THSD7B: variants seen among roughly 807,000 people sequenced by gnomAD.
THSD7B encodes the protein thrombospondin type 1 domain containing 7B, also known as thrombospondin type-1 domain-containing protein 7B.
In THSD7B, 138 loss-of-function variants were observed where a neutral mutation model predicts 213.6. That is an observed-to-expected ratio of 0.65 (90% CI 0.56 to 0.74). The LOEUF (loss-of-function observed/expected upper bound fraction) is 0.74, where lower values mean the gene tolerates loss of function less well. Among genes scored for constraint, THSD7B ranks in the 30% least tolerant of loss-of-function variants. The pLI is 0.00. For synonymous variants in THSD7B, 742 were observed against 687.0 expected (o/e 1.08, Z -1.25); for missense variants, 1,931 against 1,991.5 (o/e 0.97, Z 0.58).
chr2:137,242,644 G>C, intron 10 of THSD7B, 72 bp downstream of exon 10: 1 of 1,176,954 alleles, frequency 8.5e-7, no homozygotes, highest in Non-Finnish European at 1.2e-6. Context: ...GTAAGTGAGA[G>C]GTTGTGGAAT....
At chr2:136,947,083 G>T (rs1347989777) in intron 2 of THSD7B, among the ~76,000 whole-genome samples, 1 of 152,084 alleles carries the variant, frequency 6.6e-6, no homozygotes, top group Admixed American at 6.6e-5. Context: ...GCTGGGAGCT[G>T]TAGATTGGAG....
At chr2:137,025,881 A>T (rs1478682465) in intron 2 of THSD7B, among the ~76,000 whole-genome samples, 1 of 152,084 alleles carries the variant, frequency 6.6e-6, no homozygotes, top group Non-Finnish European at 1.5e-5. Context: ...ATTTAGTTAG[A>T]TATCAGCCAT....
At chr2:137,112,707 T>G (rs1266765433) in intron 4 of THSD7B, among the ~76,000 whole-genome samples, 1 of 152,154 alleles carries the variant, frequency 6.6e-6, no homozygotes, top group Non-Finnish European at 1.5e-5. Flanking sequence ...ATGGCAACTG[T>G]GGATCTCTAA....
At chr2:137,252,967 G>T (rs575873287) in intron 10 of THSD7B, among the ~76,000 whole-genome samples, 1 of 138,654 alleles carries the variant, frequency 7.2e-6, no homozygotes, top group South Asian at 2.2e-4. Context: ...GAAAAGGGCT[G>T]TTGTGAATTA....
At chr2:137,236,259 G>A (rs1479335379) in intron 9 of THSD7B, among the ~76,000 whole-genome samples, 1 of 152,190 alleles carries the variant, frequency 6.6e-6, no homozygotes, top group African/African-American at 2.4e-5. Context: ...TGGAACGTGT[G>A]GTTCAAAATA....
intron 5 of THSD7B, among the ~76,000 whole-genome samples, chr2:137,147,733 G>C (rs1679732125): frequency 6.6e-6 from 1 of 151,950 alleles, no homozygotes; most frequent in African/African-American, 2.4e-5. Flanking sequence ...TCACCCCGTG[G>C]GCTAAAAGGG....
At chr2:137,066,265 C>T (rs1378104343) in intron 3 of THSD7B, among the ~76,000 whole-genome samples, 3 of 146,984 alleles carry the variant, frequency 2.0e-5, no homozygotes, top group East Asian at 2.0e-4. Flanking sequence ...AATCTCGGCT[C>T]ACTGCAACTT....
chr2:136,773,158 G>T (rs1014868330), intron 1 of THSD7B, among the ~76,000 whole-genome samples: 6 of 151,918 alleles, frequency 3.9e-5, no homozygotes, highest in African/African-American at 1.5e-4. Context: ...TACATGTCAG[G>T]GTGCTTTGCA....
intron 15 of THSD7B, among the ~76,000 whole-genome samples, chr2:137,504,046 AAAAG>A (rs961431366): frequency 2.6e-5 from 4 of 151,884 alleles, no homozygotes; most frequent in African/African-American, 2.4e-5. Flanking sequence ...AGAAAAAAAA[AAAAG>A]AAAGAGAAAA....
intron 2 of THSD7B, among the ~76,000 whole-genome samples, chr2:136,952,434 CTTTT>C (rs35848268): frequency 8.0e-6 from 1 of 125,606 alleles, no homozygotes; most frequent in Non-Finnish European, 1.6e-5. Context: ...GGGCAGAAAA[CTTTT>C]TTTTTTTTTT....
At chr2:136,841,181 A>G (rs902336879) in intron 1 of THSD7B, among the ~76,000 whole-genome samples, 3 of 152,198 alleles carry the variant, frequency 2.0e-5, no homozygotes, top group African/African-American at 7.2e-5. Context: ...ACAGTGGGAA[A>G]TATCAGAACT....
At chr2:137,227,972 A>G (rs1681548216) in intron 7 of THSD7B, among the ~76,000 whole-genome samples, 1 of 152,174 alleles carries the variant, frequency 6.6e-6, no homozygotes, top group African/African-American at 2.4e-5. Context: ...CCTAATCCTT[A>G]GAATAGCTCT....
chr2:137,193,641 A>G (rs924968615), intron 7 of THSD7B, among the ~76,000 whole-genome samples: 2 of 152,066 alleles, frequency 1.3e-5, no homozygotes, highest in Admixed American at 1.3e-4. Context: ...CCGCCTTGCC[A>G]ACACTGAGGG....
chr2:137,573,661 G>T (rs1204768871), intron 17 of THSD7B, among the ~76,000 whole-genome samples: 2 of 152,050 alleles, frequency 1.3e-5, no homozygotes, highest in African/African-American at 4.8e-5. Context: ...CTTATTTTGT[G>T]CAAGGTACAT....
At chr2:137,529,376 A>T (rs1341619145) in intron 15 of THSD7B, among the ~76,000 whole-genome samples, 1 of 152,054 alleles carries the variant, frequency 6.6e-6, no homozygotes, top group Non-Finnish European at 1.5e-5. Context: ...TAGCTCTTTC[A>T]CCTAAAATTT....
At chr2:136,847,692 C>A (rs943930094) in intron 1 of THSD7B, among the ~76,000 whole-genome samples, 9 of 152,134 alleles carry the variant, frequency 5.9e-5, no homozygotes, top group African/African-American at 2.2e-4. Context: ...GTCTTTCTGT[C>A]AGCGCCCACC....
intron 12 of THSD7B, among the ~76,000 whole-genome samples, chr2:137,402,972 A>G (rs1686406557): frequency 6.6e-6 from 1 of 152,212 alleles, no homozygotes; most frequent in Non-Finnish European, 1.5e-5. Context: ...TTGGTTATCT[A>G]AACAAGCAAT....
intron 20 of THSD7B, among the ~76,000 whole-genome samples, chr2:137,623,603 C>G (rs1278108382): frequency 1.3e-5 from 2 of 152,176 alleles, no homozygotes; most frequent in South Asian, 4.1e-4. Context: ...CCAAAATCTC[C>G]TTAAGCTGAT....
intron 15 of THSD7B, among the ~76,000 whole-genome samples, chr2:137,488,180 G>A (rs1688508011): frequency 2.0e-5 from 3 of 152,090 alleles, no homozygotes; most frequent in Admixed American, 2.0e-4. Flanking sequence ...CTAAAAAGGT[G>A]AACTATTTCA....
Sources: gnomAD v4.1 joint callset for allele counts (sites outside exome capture counted in the v4.1 genomes callset) on GRCh38, gnomAD v4.1.1 for gene constraint, MANE v1.5 for transcripts, NCBI Gene and HGNC (gene_info 2026-07-23, HGNC 2026-07-21) for gene names.